Variants in CCDC150 observed in about 807,000 individuals in gnomAD.
CCDC150 encodes the protein coiled-coil domain containing 150.
CCDC150 carries 151 observed loss-of-function variants against 156.5 expected under a neutral mutation model. The ratio of observed to expected loss-of-function variants is 0.97; its 90% confidence interval spans 0.85 to 1.10. The LOEUF is 1.10. CCDC150 is among the 50% of genes least tolerant of loss of function. The probability of loss-of-function intolerance (pLI) is 0.00; values close to 1 mark genes in which losing one functional copy is unlikely to be tolerated. For missense variants in CCDC150, 1,312 were observed against 1,268.1 expected, an observed-to-expected ratio of 1.03 and a Z score of -0.53; for synonymous variants, 452 against 429.4, an observed-to-expected ratio of 1.05 and a Z score of -0.65.
chr2:196,718,055 G>C (rs1697644857), intron 17 of CCDC150, among the ~76,000 whole-genome samples: 1 of 152,184 alleles, frequency 6.6e-6, no homozygotes, highest in Non-Finnish European at 1.5e-5. Context: ...TCAAGGATAT[G>C]AGGTTCTAAT....
At chr2:196,731,559 AATT>A (rs1221174669) in intron 26 of CCDC150, among the ~76,000 whole-genome samples, 1 of 151,236 alleles carries the variant, frequency 6.6e-6, no homozygotes, top group African/African-American at 2.4e-5. Context: ...ATGCCCAGCT[AATT>A]TTTGGTAGAG....
At chr2:196,644,707 G>A (rs1692430626) in intron 1 of CCDC150, among the ~76,000 whole-genome samples, 1 of 152,158 alleles carries the variant, frequency 6.6e-6, no homozygotes, top group Admixed American at 6.5e-5. Flanking sequence ...TTCACCCCAT[G>A]TCCTTAAGCT....
At chr2:196,709,209 C>G (rs964984090) in intron 15 of CCDC150, among the ~76,000 whole-genome samples, 1 of 152,080 alleles carries the variant, frequency 6.6e-6, no homozygotes, top group African/African-American at 2.4e-5. Context: ...TTTCTTTTTA[C>G]TCTTTTTTCT....
intron 8 of CCDC150, 88 bp downstream of exon 8, chr2:196,669,964 C>A: frequency 1.1e-6 from 1 of 936,556 alleles, no homozygotes; most frequent in Non-Finnish European, 1.6e-6. Flanking sequence ...TACAGTGCTT[C>A]TTACTCTCAT....
Position 196,701,120 on chromosome 2 carries a change from G to A in CCDC150, c.1635G>A (p.Gln545=), listed in dbSNP as rs1327301478. The change falls in exon 15 of 28, where the codon CAG becomes CAA. Residue 545 remains glutamine (Q), a synonymous_variant. Coordinates refer to ENST00000389175, the MANE Select transcript of CCDC150 (RefSeq NM_001080539.2). ...GTTTGCCTTATCAGCTTGCCCAACA[G>A]AAGGTGGAAAAAATCACTGAAAGTA... ...VTSDYHGLAQ[Q]KVEKITESKN... The A allele has an allele frequency of 6.2e-7, 1 of 1,608,418 alleles. No homozygotes were observed. The highest frequency in any genetic ancestry group is 8.5e-7 in the Non-Finnish European group (1 of 1,177,516).
At position 196,643,402 on chromosome 2, in the gene CCDC150, C is replaced by T. The variant is rs144802115; in HGVS notation, c.13-2939C>T. Among the ~76,000 whole-genome samples, 5 of 151,356 alleles carry T rather than the reference C, an allele frequency of 3.3e-5. No individual in the cohort carries two copies. In the East Asian group the frequency reaches 9.6e-4, roughly 29 times the overall value. Reference sequence around the variant, plus strand: ...GATGCAAACCAAATTCCTACCGCGACATGTTGGACCTTCTTTTTTTTAAAA... The same window carrying T: ...GATGCAAACCAAATTCCTACCGCGATATGTTGGACCTTCTTTTTTTTAAAA... On this transcript the variant is annotated intron_variant, in intron 1 of 27. Coordinates refer to ENST00000389175, the MANE Select transcript of CCDC150 (RefSeq NM_001080539.2).
chr2:196,665,833 GT>G (rs955036767), intron 6 of CCDC150, 150 bp downstream of exon 6: 6 of 494,220 alleles, frequency 1.2e-5, no homozygotes, highest in South Asian at 2.7e-5. Flanking sequence ...TCTTACTACA[GT>G]TTTTTTTAAG....
Position 196,718,526 on chromosome 2 carries a change from T to C in CCDC150, c.1890T>C (p.Ser630=). Residue 630 remains serine, a synonymous_variant, in exon 18 of 28, where the codon AGT becomes AGC. Transcript: ENST00000389175. ...LKEVKSILER[S]KEELSRTVKC... The stretch of plus-strand genomic sequence containing the variant: ...AGGTGAAATCTATTCTTGAAAGAAG[T>C]AAAGAGGAGCTGTCCCGAACAGTGA... 1 of 1,611,928 alleles carries C rather than the reference T, an allele frequency of 6.2e-7. No homozygotes were observed. The highest frequency in any genetic ancestry group is 8.5e-7 in the Non-Finnish European group (1 of 1,178,746).
intron 2 of CCDC150, among the ~76,000 whole-genome samples, chr2:196,649,270 G>T (rs935764348): frequency 6.6e-6 from 1 of 152,046 alleles, no homozygotes; most frequent in Admixed American, 6.6e-5. Context: ...CATAAACCTG[G>T]GATATCTTTC....
intron 15 of CCDC150, among the ~76,000 whole-genome samples, chr2:196,711,390 A>G (rs1697102498): frequency 6.6e-6 from 1 of 152,184 alleles, no homozygotes; most frequent in Non-Finnish European, 1.5e-5. Context: ...AGGAAACAAG[A>G]TATTGAGAGA....
Position 196,719,599 on chromosome 2 carries a change from G to A in CCDC150, c.2098G>A (p.Ala700Thr). 1 of 1,613,510 alleles carries A rather than the reference G, an allele frequency of 6.2e-7. No homozygotes were observed. The highest frequency in any genetic ancestry group is 8.5e-7 in the Non-Finnish European group (1 of 1,179,712). The part of the protein sequence containing the change: ...VLASHSKMQG[A>T]LEKVQIELGR... ...GGCTTCTCACAGTAAGATGCAAGGT[G>A]CTCTGGAGAAAGTACAAATAGAGCT... The change falls in exon 19 of 28, where the codon GCT (alanine) becomes ACT (threonine). Residue 700 changes from alanine to threonine, a missense_variant. Ala to Thr is a moderately conservative substitution (Grantham distance 58, BLOSUM62 0). Coordinates refer to ENST00000389175, the MANE Select transcript of CCDC150 (RefSeq NM_001080539.2).
At chr2:196,697,721 T>C (rs1695922256) in intron 14 of CCDC150, among the ~76,000 whole-genome samples, 1 of 152,194 alleles carries the variant, frequency 6.6e-6, no homozygotes, top group African/African-American at 2.4e-5. Flanking sequence ...ATGCTTACAA[T>C]CTGCTTATAA....
intron 13 of CCDC150, among the ~76,000 whole-genome samples, chr2:196,687,258 A>G (rs1012043730): frequency 6.6e-5 from 10 of 151,944 alleles, no homozygotes; most frequent in Admixed American, 2.0e-4. Flanking sequence ...TTTCTCCACA[A>G]CCTCACCAGC....
At chr2:196,654,567 A>G (rs937048206) in intron 2 of CCDC150, among the ~76,000 whole-genome samples, 1 of 151,088 alleles carries the variant, frequency 6.6e-6, no homozygotes, top group Admixed American at 6.6e-5. Context: ...CTCTTATTGT[A>G]TTCTTTGGCT....
chr2:196,650,273 G>A (rs569343538), intron 2 of CCDC150, among the ~76,000 whole-genome samples: 1 of 152,198 alleles, frequency 6.6e-6, no homozygotes, highest in Non-Finnish European at 1.5e-5. Context: ...CCTTCATTCT[G>A]TTAATACAGT....
chr2:196,682,720 GA>G (rs1173577040), intron 13 of CCDC150, among the ~76,000 whole-genome samples: 3 of 151,890 alleles, frequency 2.0e-5, no homozygotes, highest in African/African-American at 7.2e-5. Context: ...ATGTTGATAA[GA>G]AAAAAATGGA....
At chr2:196,730,446 C>G (rs1194646058) in intron 25 of CCDC150, among the ~76,000 whole-genome samples, 1 of 152,192 alleles carries the variant, frequency 6.6e-6, no homozygotes, top group Non-Finnish European at 1.5e-5. Flanking sequence ...CTCGTTTCTT[C>G]TAGCACAGAT....
At chr2:196,713,492 C>A (rs965394034) in intron 17 of CCDC150, 5 of 1,550,584 alleles carry the variant, frequency 3.2e-6, no homozygotes, top group Middle Eastern at 1.7e-4. Flanking sequence ...AAACTCTACA[C>A]GCCGTGTGAG....
chr2:196,646,555 CTTA>C, intron 2 of CCDC150, 51 bp downstream of exon 2: 1 of 1,406,306 alleles, frequency 7.1e-7, no homozygotes, highest in Non-Finnish European at 1.0e-6. Flanking sequence ...TGCTTCACTG[CTTA>C]TTAAGTCACA....
Sources: allele counts gnomAD v4.1 joint callset (sites outside exome capture counted in the v4.1 genomes callset), GRCh38; gene constraint gnomAD v4.1.1; transcripts MANE v1.5; gene names NCBI Gene and HGNC (gene_info 2026-07-23, HGNC 2026-07-21).